Variants in NKX3-2 observed in about 807,000 individuals in gnomAD.
The protein encoded by NKX3-2 is NK3 homeobox 2, also known as homeobox protein Nkx-3.2.
NKX3-2 carries 13 observed loss-of-function variants against 19.4 expected under a neutral mutation model. The ratio of observed to expected loss-of-function variants is 0.67; its 90% CI spans 0.44 to 1.07. NKX3-2 has a LOEUF of 1.07. Ranked by LOEUF, NKX3-2 falls within the 50% of genes least tolerant of loss-of-function variation. The pLI is 0.00. For synonymous variants in NKX3-2, 269 were observed against 230.5 expected (o/e 1.17, Z -1.51); for missense variants, 562 against 488.2 (o/e 1.15, Z -1.42).
At position 13,544,121 on chromosome 4, in the gene NKX3-2, G is replaced by C; in HGVS notation, c.294C>G (p.Ser98Arg). 6.2e-7 allele frequency: 1 copy of C among 1,602,410 alleles called. No individual in the cohort carries two copies. The highest frequency in any genetic ancestry group is 1.3e-5 in the African/African-American group (1 of 74,438). The stretch of plus-strand genomic sequence containing the variant: ...AGCGCCGCCTGCTCTCGTTCTCCTC[G>C]CTGAGCGCGGAGTCCGAGTCCCAGC... ...PEGWDSDSAL[S>R]EENESRRRCA... Residue 98 changes from serine (S) to arginine (R), a missense_variant, in exon 1 of 2, where the codon AGC (serine) becomes AGG (arginine). Transcript: ENST00000382438.
rs774148012 is a variant in NKX3-2, at chr4:13,544,258, G to A, written c.157C>T (p.Arg53Trp). 11 of 1,571,230 alleles carry A rather than the reference G, an allele frequency of 7.0e-6. No individual in the cohort carries two copies. In the South Asian group the frequency reaches 1.0e-4, roughly 15 times the overall value. Reference sequence around the variant, plus strand: ...CCCGCGTCCCTCTCCCCAAAGAGCCGCCAACAGCAGACAGCGGGAGCCGCG... The same window carrying A: ...CCCGCGTCCCTCTCCCCAAAGAGCCACCAACAGCAGACAGCGGGAGCCGCG... ...VAAAPAVCCW[R>W]LFGERDAGAL... Residue 53 changes from arginine (R) to tryptophan (W), a missense_variant, in exon 1 of 2, where the codon CGG (arginine) becomes TGG (tryptophan). By Grantham distance (101) the Arg-to-Trp change is moderately radical. Transcript: ENST00000382438.
In NKX3-2 at chr4:13,543,403, G is replaced by C. The variant is rs111937660; in HGVS notation, c.466+546C>G. On this transcript the variant is annotated intron_variant, in intron 1 of 1. Coordinates refer to ENST00000382438, the MANE Select transcript of NKX3-2 (RefSeq NM_001189.4). The surrounding 1 kb of genome is among the most constrained non-coding windows in gnomAD (Gnocchi z 7.1). ...CTAGGGCTGCTCTCCCAGACCTGGG[G>C]TCTGAGAAAGCCAAACCAGCCCTTT... Among the ~76,000 whole-genome samples, 1,224 of 152,286 alleles carry C rather than the reference G, an allele frequency of 8.0e-3. 13 individuals are homozygous for C. Among genetic ancestry groups the C allele is most frequent in the Non-Finnish European group, 0.012 (845 of 68,032 alleles).
At chr4:13,547,189 C>G (rs549578347), upstream of NKX3-2, 51 of 456,326 alleles carry the variant, frequency 1.1e-4, no homozygotes, top group East Asian at 3.1e-3. Flanking sequence ...AGAGATATCC[C>G]GGCGTAACTA....
At position 13,542,172 on chromosome 4, in the gene NKX3-2, G is replaced by A. The variant is rs1402853161; in HGVS notation, c.823C>T (p.Pro275Ser). The A allele has an allele frequency of 3.1e-6, 5 of 1,608,754 alleles. No individual in the cohort carries two copies. Among genetic ancestry groups the A allele is most frequent in the Non-Finnish European group, 3.4e-6 (4 of 1,177,932 alleles). The change falls in exon 2 of 2, where the codon CCC becomes TCC. Residue 275 changes from proline to serine, a missense_variant. By Grantham distance (74) the Pro-to-Ser change is moderately conservative (BLOSUM62 -1). Transcript: ENST00000382438. This position sits in a 1 kb window ranked among gnomAD's most constrained non-coding sequence, Gnocchi z 6.4. ...QMAADLLASA[P>S]AAKKVAVKVL... The stretch of plus-strand genomic sequence containing the variant: ...TTTACGGCCACCTTCTTGGCGGCGG[G>A]CGCCGAGGCCAGCAGGTCGGCTGCC...
chr4:13,542,489 G>A lies in NKX3-2; in HGVS notation c.506C>T (p.Pro169Leu), dbSNP rs1167071511. Reference protein sequence around the residue: ...SPRTEDDGVGPRGAHVSALCS... With the variant: ...SPRTEDDGVGLRGAHVSALCS... ...CAGCGCGGACACGTGTGCACCTCTG[G>A]GGCCAACACCGTCGTCCTCGGTCCT... Residue 169 changes from proline (P) to leucine (L), a missense_variant, in exon 2 of 2, where the codon CCC becomes CTC. By Grantham distance (98) the Pro-to-Leu change is moderately conservative. Coordinates refer to ENST00000382438, the MANE Select transcript of NKX3-2 (RefSeq NM_001189.4). This position sits in a 1 kb window ranked among gnomAD's most constrained non-coding sequence, Gnocchi z 6.4. 4 of 1,596,554 alleles carry A rather than the reference G, an allele frequency of 2.5e-6. No homozygotes were observed. The highest frequency in any genetic ancestry group is 2.7e-5 in the African/African-American group (2 of 74,824).
chr4:13,544,508 T>A lies in NKX3-2; in HGVS notation c.-94A>T, dbSNP rs565614475. On this transcript the variant is annotated 5_prime_UTR_variant, in exon 1 of 2. Transcript: ENST00000382438. Reference sequence around the variant, plus strand: ...AGAGCGCCGGCGGCCGCAGCGCGAGTGAGCTGGGTGTGCGAGGCCGCCGCC... The same window carrying A: ...AGAGCGCCGGCGGCCGCAGCGCGAGAGAGCTGGGTGTGCGAGGCCGCCGCC... 4 of 880,386 alleles carry A rather than the reference T, an allele frequency of 4.5e-6. 1 individual carries two copies. The African/African-American group carries it at 5.3e-5, about 12-fold the overall frequency. The allele number at this position is 880,386 out of a possible 1,614,324, so 54.5% of individuals were successfully genotyped here.
upstream of NKX3-2, chr4:13,544,881 C>G (rs1718091023): frequency 1.3e-5 from 2 of 152,226 alleles, no homozygotes; most frequent in African/African-American, 4.8e-5. Flanking sequence ...TCCTCCCCTT[C>G]CCTGCTGGGC....
chr4:13,544,592 C>T, upstream of NKX3-2: 1 of 347,852 alleles, frequency 2.9e-6, no homozygotes, highest in Non-Finnish European at 5.0e-6. Context: ...TCAGCGCCGA[C>T]CCTCGCCCCC....
Position 13,543,264 on chromosome 4 carries a change from C to G in NKX3-2, c.466+685G>C, listed in dbSNP as rs890005794. Among the ~76,000 whole-genome samples, 1 of 152,140 alleles carries G rather than the reference C, an allele frequency of 6.6e-6. No homozygotes were observed. The highest frequency in any genetic ancestry group is 1.5e-5 in the Non-Finnish European group (1 of 68,032). On this transcript the variant is annotated intron_variant, in intron 1 of 1. Transcript: ENST00000382438. The surrounding 1 kb of genome is among the most constrained non-coding windows in gnomAD (Gnocchi z 7.1). ...GCTTGAGGCCTACAGAAGCTTGTAC[C>G]CAACTAGGGCAGGCACCCGGGTCTT...
upstream of NKX3-2, chr4:13,546,393 T>C (rs1056710524): frequency 6.3e-6 from 1 of 157,506 alleles, no homozygotes; most frequent in African/African-American, 2.4e-5. Flanking sequence ...GGAACGCCAT[T>C]TAAATTTGGT....
Position 13,541,911 on chromosome 4 carries a change from C to T in NKX3-2, c.*82G>A. 1 of 1,522,762 alleles carries T rather than the reference C, an allele frequency of 6.6e-7. No individual in the cohort carries two copies. The highest frequency in any genetic ancestry group is 8.8e-7 in the Non-Finnish European group (1 of 1,130,550). The allele number at this position is 1,522,762 out of a possible 1,614,324, so 94.3% of individuals were successfully genotyped here. ...CAGGTGCCTCCTTGGCGGGGCGCCC[C>T]GTGCAGGCTACAGCCTACAGCTGTC... On this transcript the variant is annotated 3_prime_UTR_variant, in exon 2 of 2. Coordinates refer to ENST00000382438, the MANE Select transcript of NKX3-2 (RefSeq NM_001189.4).
At position 13,543,964 on chromosome 4, in the gene NKX3-2, A is replaced by T; in HGVS notation, c.451T>A (p.Ser151Thr). ...CGCAGCAGACCTGAGACGCTGGCGG[A>T]CATCTCGCTGTCGCTCCGGCCCGCG... The part of the protein sequence containing the change: ...EAAGRSDSEM[S>T]ASVSGDRSPR... Residue 151 changes from serine to threonine, a missense_variant, in exon 1 of 2, where the codon TCC becomes ACC. Ser to Thr is a moderately conservative substitution (Grantham distance 58). Coordinates refer to ENST00000382438, the MANE Select transcript of NKX3-2 (RefSeq NM_001189.4). The surrounding 1 kb of genome is among the most constrained non-coding windows in gnomAD (Gnocchi z 7.1). 6.5e-7 allele frequency: 1 copy of T among 1,550,282 alleles called. No individual in the cohort carries two copies. The highest frequency in any genetic ancestry group is 8.7e-7 in the Non-Finnish European group (1 of 1,149,940).
At chr4:13,544,816 C>G (rs1302706606), upstream of NKX3-2, 1 of 155,922 alleles carries the variant, frequency 6.4e-6, no homozygotes, top group Non-Finnish European at 1.4e-5. Flanking sequence ...GCCCGAGTCA[C>G]TTTTTCTTTG....
upstream of NKX3-2, chr4:13,547,201 G>T (rs1317286980): frequency 2.2e-6 from 1 of 456,282 alleles, no homozygotes; most frequent in Non-Finnish European, 4.4e-6. Flanking sequence ...GCGTAACTAC[G>T]GAGTCCAGGC....
In NKX3-2 at chr4:13,542,845, C is replaced by G. The variant is rs1174471467; in HGVS notation, c.467-317G>C. 1.3e-5 allele frequency among the ~76,000 whole-genome samples: 2 copies of G among 152,040 alleles called. No individual in the cohort carries two copies. Among genetic ancestry groups the G allele is most frequent in the East Asian group, 3.9e-4 (2 of 5,114 alleles). ...AACTTGGGGCACTCGACCCGAGCAT[C>G]CGCGAAAGCCCTCCCGGCTCTCAGC... On this transcript the variant is annotated intron_variant, in intron 1 of 1. Coordinates refer to ENST00000382438, the MANE Select transcript of NKX3-2 (RefSeq NM_001189.4). This position sits in a 1 kb window ranked among gnomAD's most constrained non-coding sequence, Gnocchi z 6.4.
At chr4:13,546,664 T>C (rs899250407), upstream of NKX3-2, 59 of 349,490 alleles carry the variant, frequency 1.7e-4, no homozygotes, top group Non-Finnish European at 2.6e-4. Flanking sequence ...AATAATGGAG[T>C]GAGATCCGAA....
At chr4:13,546,712 C>T (rs1047850577), upstream of NKX3-2, 13 of 354,592 alleles carry the variant, frequency 3.7e-5, no homozygotes, top group Non-Finnish European at 6.2e-5. Flanking sequence ...GCTGAATCAC[C>T]GAATACTAGA....
At position 13,541,904 on chromosome 4, in the gene NKX3-2, G is replaced by A. The variant is rs889017077; in HGVS notation, c.*89C>T. 3 of 1,516,280 alleles carry A rather than the reference G, an allele frequency of 2.0e-6. No homozygotes were observed. Among genetic ancestry groups the A allele is most frequent in the Admixed American group, 2.1e-5 (1 of 47,812 alleles). 93.9% of individuals were successfully genotyped at this position (1,516,280 alleles called of 1,614,324 possible). On this transcript the variant is annotated 3_prime_UTR_variant, in exon 2 of 2. Coordinates refer to ENST00000382438, the MANE Select transcript of NKX3-2 (RefSeq NM_001189.4). ...TCACCTCCAGGTGCCTCCTTGGCGG[G>A]GCGCCCCGTGCAGGCTACAGCCTAC...
At position 13,542,513 on chromosome 4, in the gene NKX3-2, C is replaced by T. The variant is rs1406388493; in HGVS notation, c.482G>A (p.Arg161Lys). 3 of 1,596,542 alleles carry T rather than the reference C, an allele frequency of 1.9e-6. No homozygotes were observed. Among genetic ancestry groups the T allele is most frequent in the African/African-American group, 2.7e-5 (2 of 74,840 alleles). ...SASVSGDRSP[R>K]TEDDGVGPRG... ...GGGGCCAACACCGTCGTCCTCGGTC[C>T]TTGGGCTGCGGTCGCCTGCGGACCC... Residue 161 changes from arginine (R) to lysine (K), a missense_variant, in exon 2 of 2, where the codon AGG (arginine) becomes AAG (lysine). Arg to Lys is a conservative substitution (Grantham distance 26). Transcript: ENST00000382438. This position sits in a 1 kb window ranked among gnomAD's most constrained non-coding sequence, Gnocchi z 6.4.
Sources: allele counts gnomAD v4.1 joint callset (sites outside exome capture counted in the v4.1 genomes callset), GRCh38; gene constraint gnomAD v4.1.1; non-coding constraint Gnocchi (gnomAD v3.1); transcripts MANE v1.5; gene names NCBI Gene and HGNC (gene_info 2026-07-23, HGNC 2026-07-21).